The following PCBP3 variants were observed in gnomAD, a reference collection of about 807,000 sequenced individuals.
PCBP3 encodes the protein poly(rC)-binding protein 3.
A neutral mutation model predicts 52.7 loss-of-function variants in PCBP3; 25 were observed. The observed-to-expected ratio is 0.47, with a 90% CI of 0.35 to 0.66. The LOEUF is 0.66. Among genes scored for constraint, PCBP3 ranks in the 30% least tolerant of loss-of-function variants. PCBP3 has a pLI of 0.01. For missense variants in PCBP3, 391 were observed against 490.3 expected (o/e 0.80, Z 1.91); for synonymous variants, 162 against 183.0 (o/e 0.89, Z 0.93).
rs375911803 is a variant in PCBP3 at position 45,821,778 on chromosome 21, A to G, written c.-125-28183A>G. Among the ~76,000 whole-genome samples, 53 of 151,782 alleles carry G rather than the reference A, an allele frequency of 3.5e-4. No individual in the cohort carries two copies. In the East Asian group the frequency reaches 6.6e-3, roughly 19 times the overall value. ...CTGGGGTTGGGGTTCTGTTCCCTCT[A>G]CTGTACTGGAGCTCCAGGTCATGGG... On this transcript the variant is annotated intron_variant, in intron 4 of 17. Coordinates refer to ENST00000681687, the MANE Select transcript of PCBP3 (RefSeq NM_001384156.1). The surrounding 1 kb of genome is among the most constrained non-coding windows in gnomAD (Gnocchi z 4.4).
chr21:45,897,352 G>A (rs1203363929), intron 6 of PCBP3, among the ~76,000 whole-genome samples: 1 of 152,166 alleles, frequency 6.6e-6, no homozygotes, highest in African/African-American at 2.4e-5. Flanking sequence ...GGCTTTGACT[G>A]TGCAGTCGGC....
Position 45,833,151 on chromosome 21 carries a change from C to T in PCBP3, c.-125-16810C>T, listed in dbSNP as rs77842120. Among the ~76,000 whole-genome samples, 808 of 152,320 alleles carry T rather than the reference C, an allele frequency of 5.3e-3. 4 individuals carry two copies. Among genetic ancestry groups the T allele is most frequent in the African/African-American group, 0.018 (752 of 41,566 alleles). ...GGAGTGGGCACCCCCATCCAGCAGA[C>T]GGAGACACGGCCTCAGGCCATGGGC... On this transcript the variant is annotated intron_variant, in intron 4 of 17. Coordinates refer to ENST00000681687, the MANE Select transcript of PCBP3 (RefSeq NM_001384156.1).
chr21:45,792,751 T>A (rs182059083), intron 4 of PCBP3, among the ~76,000 whole-genome samples: 1 of 152,098 alleles, frequency 6.6e-6, no homozygotes, highest in Non-Finnish European at 1.5e-5. Flanking sequence ...GAGTGGAAGT[T>A]AGGACGCTCA....
chr21:45,927,302 C>CCTCTCCT (rs1556378813), intron 13 of PCBP3, among the ~76,000 whole-genome samples: 1 of 55,678 alleles, frequency 1.8e-5, no homozygotes, highest in Non-Finnish European at 3.8e-5. Context: ...CCTCCTCCCT[C>CCTCTCCT]CCCTCCCCTT....
At chr21:45,703,494 G>A (rs933146215) in intron 2 of PCBP3, among the ~76,000 whole-genome samples, 2 of 152,220 alleles carry the variant, frequency 1.3e-5, no homozygotes, top group Admixed American at 6.5e-5. Context: ...GTAATATTTT[G>A]AGAGGAACCT....
rs182701724 is a variant in PCBP3 at position 45,725,229 on chromosome 21, G to C, written c.-199-10163G>C. Among the ~76,000 whole-genome samples the C allele has an allele frequency of 1.3e-3, 200 of 152,086 alleles. 2 individuals are homozygous for C. Among genetic ancestry groups the C allele is most frequent in the African/African-American group, 4.4e-3 (181 of 41,388 alleles). On this transcript the variant is annotated intron_variant, in intron 2 of 17. Coordinates refer to ENST00000681687, the MANE Select transcript of PCBP3 (RefSeq NM_001384156.1). ...TAGCTTCCACCTGCTGCCTGCGCTT[G>C]GGAAGTGCCCTGACCTCTGAGCAGA... is the stretch of plus-strand genomic sequence containing the variant.
intron 4 of PCBP3, among the ~76,000 whole-genome samples, chr21:45,846,976 CAT>C (rs2093827642): frequency 1.3e-5 from 2 of 152,374 alleles, no homozygotes; most frequent in South Asian, 4.1e-4. Context: ...TACATTTACT[CAT>C]GTGTTGCTAG....
chr21:45,790,402 AGGTGGGACGCC>A (rs2091459961), intron 4 of PCBP3, among the ~76,000 whole-genome samples: 3 of 152,154 alleles, frequency 2.0e-5, no homozygotes, highest in Admixed American at 1.3e-4. Flanking sequence ...AGGGCAGCCA[AGGTGGGACGCC>A]GTGCCATTCA....
chr21:45,933,148 G>C (rs1603546568), intron 15 of PCBP3, among the ~76,000 whole-genome samples: 1 of 152,022 alleles, frequency 6.6e-6, no homozygotes, highest in South Asian at 2.1e-4. Flanking sequence ...ATGCTGTCTT[G>C]AGATGAATGA....
At chr21:45,672,882 G>C (rs982900551) in intron 2 of PCBP3, among the ~76,000 whole-genome samples, 11 of 152,184 alleles carry the variant, frequency 7.2e-5, no homozygotes, top group African/African-American at 2.7e-4. Flanking sequence ...TCTGAAGCCA[G>C]CTAGTTTTTG....
chr21:45,881,728 C>T (rs2095410475), intron 5 of PCBP3, among the ~76,000 whole-genome samples: 7 of 152,186 alleles, frequency 4.6e-5, no homozygotes. Context: ...CCCCAACCCC[C>T]CGCAGTCCCC....
chr21:45,861,843 G>T (rs1026385764), intron 5 of PCBP3, among the ~76,000 whole-genome samples: 1 of 152,168 alleles, frequency 6.6e-6, no homozygotes, highest in African/African-American at 2.4e-5. Flanking sequence ...GTTTTAGTCC[G>T]TTTCTGCTGC....
At chr21:45,701,556 G>A (rs147370472) in intron 2 of PCBP3, among the ~76,000 whole-genome samples, 11 of 152,118 alleles carry the variant, frequency 7.2e-5, no homozygotes, top group African/African-American at 2.2e-4. Flanking sequence ...TTTATTTATT[G>A]AGACAGTTTC....
chr21:45,665,057 A>T (rs1356024291), intron 1 of PCBP3, among the ~76,000 whole-genome samples: 1 of 151,900 alleles, frequency 6.6e-6, no homozygotes, highest in African/African-American at 2.4e-5. Flanking sequence ...AGCTATCACA[A>T]ATGAAATTGA....
At chr21:45,873,370 T>C (rs2095115563) in intron 5 of PCBP3, 1 of 152,176 alleles carries the variant, frequency 6.6e-6, no homozygotes, top group Non-Finnish European at 1.5e-5. Flanking sequence ...TGTATTTCTG[T>C]CCCCTCACAG....
intron 4 of PCBP3, among the ~76,000 whole-genome samples, chr21:45,845,108 G>A (rs192773038): frequency 4.9e-4 from 74 of 152,240 alleles, no homozygotes; most frequent in African/African-American, 1.7e-3. Context: ...GTCCACCTCC[G>A]GAGGGGTCAC....
intron 4 of PCBP3, among the ~76,000 whole-genome samples, chr21:45,834,441 T>A (rs769577967): frequency 3.9e-5 from 6 of 152,150 alleles, no homozygotes; most frequent in Non-Finnish European, 7.4e-5. Flanking sequence ...TGTCTAGGGG[T>A]GGCGTCCCCA....
intron 2 of PCBP3, among the ~76,000 whole-genome samples, chr21:45,696,737 G>A (rs1039438317): frequency 5.9e-5 from 9 of 151,848 alleles, no homozygotes; most frequent in African/African-American, 9.7e-5. Flanking sequence ...GTTGCAGTGA[G>A]CCGAGATTGC....
In PCBP3 at chr21:45,735,733, A is replaced by G. The variant is rs1490908762; in HGVS notation, c.-162+304A>G. Reference sequence around the variant, plus strand: ...TAACCTGACCATGTAGACCAGCAGGAGCTGGAGGGCCAGTTGTTAGTGCAC... The same window carrying G: ...TAACCTGACCATGTAGACCAGCAGGGGCTGGAGGGCCAGTTGTTAGTGCAC... On this transcript the variant is annotated intron_variant, in intron 3 of 17. Transcript: ENST00000681687. This position sits in a 1 kb window ranked among gnomAD's most constrained non-coding sequence, Gnocchi z 4.0. 3.3e-5 allele frequency among the ~76,000 whole-genome samples: 5 copies of G among 152,200 alleles called. No individual in the cohort carries two copies. Among genetic ancestry groups the G allele is most frequent in the Non-Finnish European group, 7.3e-5 (5 of 68,032 alleles).
Sources: allele counts gnomAD v4.1 joint callset (sites outside exome capture counted in the v4.1 genomes callset), GRCh38; gene constraint gnomAD v4.1.1; non-coding constraint Gnocchi (gnomAD v3.1); transcripts MANE v1.5; gene names NCBI Gene and HGNC (gene_info 2026-07-23, HGNC 2026-07-21).